Variants in GRIK5 observed in about 807,000 individuals in gnomAD.
GRIK5 encodes the protein glutamate ionotropic receptor kainate type subunit 5.
In GRIK5, 43 loss-of-function variants were observed where a neutral mutation model predicts 97.4. The ratio of observed to expected loss-of-function variants is 0.44; its 90% CI spans 0.35 to 0.57. The LOEUF is 0.57. Among genes scored for constraint, GRIK5 ranks in the 20% least tolerant of loss-of-function variants. The probability of loss-of-function intolerance (pLI) is 0.01; values close to 1 mark genes in which losing one functional copy is unlikely to be tolerated. For synonymous variants in GRIK5, 580 were observed against 583.5 expected, an observed-to-expected ratio of 0.99 and a Z score of 0.09; for missense variants, 1,015 against 1,382.0, an observed-to-expected ratio of 0.73 and a Z score of 4.21.
At chr19:42,030,792 C>T (rs2075832815) in intron 12 of GRIK5, among the ~76,000 whole-genome samples, 1 of 152,040 alleles carries the variant, frequency 6.6e-6, no homozygotes, top group African/African-American at 2.4e-5. Flanking sequence ...CCAGACTGGA[C>T]CCTGCCAGAC....
Position 42,022,067 on chromosome 19 carries a change from A to G in GRIK5, c.1588-11T>C. On this transcript the variant is annotated splice_polypyrimidine_tract_variant and intron_variant, in intron 13 of 19. Coordinates refer to ENST00000593562, the MANE Select transcript of GRIK5 (RefSeq NM_002088.5). This position sits in a 1 kb window ranked among gnomAD's most constrained non-coding sequence, Gnocchi z 4.2. The stretch of plus-strand genomic sequence containing the variant: ...GCCAGGCTTGCGGCCCTGTGGGGAG[A>G]GGGAGTGAGACCCGGAGACACCCCT... The G allele has an allele frequency of 6.3e-7, 1 of 1,588,642 alleles. No homozygotes were observed. The highest frequency in any genetic ancestry group is 8.6e-7 in the Non-Finnish European group (1 of 1,159,240).
intron 15 of GRIK5, among the ~76,000 whole-genome samples, chr19:42,015,575 C>T (rs994729715): frequency 4.6e-5 from 7 of 152,246 alleles, no homozygotes; most frequent in Non-Finnish European, 1.0e-4. Flanking sequence ...GCAGTTTCCT[C>T]ACCTGTGAAG....
At chr19:42,027,504 G>A (rs1489931559) in intron 12 of GRIK5, among the ~76,000 whole-genome samples, 1 of 152,244 alleles carries the variant, frequency 6.6e-6, no homozygotes, top group Non-Finnish European at 1.5e-5. Context: ...CCACAGTAAG[G>A]TAACTGGATT....
At chr19:42,004,570 G>A (rs773740875) in intron 17 of GRIK5, among the ~76,000 whole-genome samples, 5 of 152,208 alleles carry the variant, frequency 3.3e-5, no homozygotes, top group Admixed American at 2.0e-4. Context: ...GTTTCTGAAT[G>A]ACGAAAGTGA....
chr19:42,056,981 G>A lies in GRIK5; in HGVS notation c.688-3C>T. 1 of 1,552,310 alleles carries A rather than the reference G, an allele frequency of 6.4e-7. No homozygotes were observed. Among genetic ancestry groups the A allele is most frequent in the African/African-American group, 1.4e-5 (1 of 73,056 alleles). ...GAGGTCATTCCCAGTTCCGAGGCCT[G>A]GAAAACACAGGAGGCAAAGAGGCAG... On this transcript the variant is annotated splice_region_variant and splice_polypyrimidine_tract_variant and intron_variant, in intron 6 of 19. Coordinates refer to ENST00000593562, the MANE Select transcript of GRIK5 (RefSeq NM_002088.5).
At chr19:42,066,185 C>A (rs539580907) in intron 1 of GRIK5, among the ~76,000 whole-genome samples, 1 of 152,106 alleles carries the variant, frequency 6.6e-6, no homozygotes, top group African/African-American at 2.4e-5. Flanking sequence ...TGCCACCCCC[C>A]ACCCAGTCCC....
chr19:42,021,263 C>T lies in GRIK5; in HGVS notation c.1871+38G>A. 6.4e-7 allele frequency: 1 copy of T among 1,574,096 alleles called. No homozygotes were observed. On this transcript the variant is annotated intron_variant, in intron 15 of 19. Transcript: ENST00000593562. This position sits in a 1 kb window ranked among gnomAD's most constrained non-coding sequence, Gnocchi z 4.2. ...CCATCCAGGCCTCAGATGGGTCCCTCCCTCGCCCCGGGCAGAGGCAGATAG... is the reference window on the plus strand; with the variant it reads ...CCATCCAGGCCTCAGATGGGTCCCTTCCTCGCCCCGGGCAGAGGCAGATAG...
At chr19:42,008,681 G>T (rs1555873354) in intron 15 of GRIK5, among the ~76,000 whole-genome samples, 1 of 152,048 alleles carries the variant, frequency 6.6e-6, no homozygotes, top group African/African-American at 2.4e-5. Flanking sequence ...ATAACCAAGA[G>T]AAAAATCACT....
intron 12 of GRIK5, among the ~76,000 whole-genome samples, chr19:42,026,011 G>A (rs1282424712): frequency 6.6e-6 from 1 of 152,176 alleles, no homozygotes; most frequent in Non-Finnish European, 1.5e-5. Flanking sequence ...TCTTTTTAGA[G>A]ACAGTGTCTT....
chr19:42,047,138 C>T (rs2076052697), intron 11 of GRIK5, among the ~76,000 whole-genome samples: 2 of 151,930 alleles, frequency 1.3e-5, no homozygotes, highest in Non-Finnish European at 2.9e-5. Flanking sequence ...TCTGCCCACC[C>T]CGGCCTCCCA....
chr19:42,008,065 T>C (rs1555873128), intron 15 of GRIK5, among the ~76,000 whole-genome samples: 1 of 151,946 alleles, frequency 6.6e-6, no homozygotes, highest in Admixed American at 6.6e-5. Flanking sequence ...AGAGTCTCAC[T>C]CTGTCACCCA....
intron 12 of GRIK5, among the ~76,000 whole-genome samples, chr19:42,024,438 C>G (rs1387611822): frequency 6.6e-6 from 1 of 152,116 alleles, no homozygotes; most frequent in Non-Finnish European, 1.5e-5. Flanking sequence ...GTCTTGAACT[C>G]CTGACCTCAG....
At position 42,034,494 on chromosome 19, in the gene GRIK5, C is replaced by G. The variant is rs560999613; in HGVS notation, c.1473+8058G>C. The stretch of plus-strand genomic sequence containing the variant: ...CCCTCACTTTTTCCCCTCAACCACA[C>G]TTTTCCCCTCAAGTCTTTATACATA... On this transcript the variant is annotated intron_variant, in intron 12 of 19. Transcript: ENST00000593562. Among the ~76,000 whole-genome samples, 86 of 152,174 alleles carry G rather than the reference C, an allele frequency of 5.7e-4. 1 individual carries two copies. Among genetic ancestry groups the G allele is most frequent in the Admixed American group, 1.1e-3 (17 of 15,270 alleles).
chr19:42,019,064 G>A (rs1334513269), intron 15 of GRIK5, among the ~76,000 whole-genome samples: 2 of 152,188 alleles, frequency 1.3e-5, no homozygotes, highest in Admixed American at 6.5e-5. Flanking sequence ...GGCTGTCTGG[G>A]TGACAGCGAT....
intron 5 of GRIK5, 141 bp from the exon 6 acceptor site, chr19:42,059,668 G>A (rs374094992): frequency 4.5e-6 from 3 of 672,080 alleles, no homozygotes; most frequent in Non-Finnish European, 7.4e-6. Context: ...GTCCCATGGG[G>A]TAATGGGCTT....
In GRIK5 at chr19:42,005,762, G is replaced by T. The variant is rs2075481688; in HGVS notation, c.2224C>A (p.Leu742Ile). Residue 742 changes from leucine to isoleucine, a missense_variant, in exon 17 of 20, where the codon CTC becomes ATC. By Grantham distance (5) the Leu-to-Ile change is conservative. Around this residue, in one of 5 missense-constraint regions of GRIK5, gnomAD observed 229 missense variants for 341.0 expected, o/e 0.67. Coordinates refer to ENST00000593562, the MANE Select transcript of GRIK5 (RefSeq NM_002088.5). The part of the protein sequence containing the change: ...LNCNLTQIGG[L>I]LDTKGYGIGM... Reference sequence around the variant, plus strand: ...ATGCCGTAGCCCTTGGTGTCGAGGAGTCCCCCGATCTGGGTGAGGTTGCAG... The same window carrying T: ...ATGCCGTAGCCCTTGGTGTCGAGGATTCCCCCGATCTGGGTGAGGTTGCAG... 1 of 1,613,980 alleles carries T rather than the reference G, an allele frequency of 6.2e-7. No homozygotes were observed. Among genetic ancestry groups the T allele is most frequent in the East Asian group, 2.2e-5 (1 of 44,876 alleles).
At chr19:42,045,736 G>A (rs527539927) in intron 11 of GRIK5, among the ~76,000 whole-genome samples, 2 of 152,268 alleles carry the variant, frequency 1.3e-5, no homozygotes, top group Non-Finnish European at 2.9e-5. Context: ...TAATAATAGC[G>A]GCAGCAGCCA....
chr19:42,068,074 G>A (rs554619983), intron 1 of GRIK5, among the ~76,000 whole-genome samples: 6 of 152,204 alleles, frequency 3.9e-5, no homozygotes, highest in Non-Finnish European at 7.3e-5. Context: ...TCTACAAAGA[G>A]AGAGGGCCAG....
chr19:42,026,071 G>A (rs1599778293), intron 12 of GRIK5, among the ~76,000 whole-genome samples: 1 of 152,098 alleles, frequency 6.6e-6, no homozygotes, highest in East Asian at 1.9e-4. Context: ...AGTCACTGCA[G>A]CCTTGAACTC....
Sources: allele counts gnomAD v4.1 joint callset (sites outside exome capture counted in the v4.1 genomes callset), GRCh38; gene constraint gnomAD v4.1.1; regional missense constraint gnomAD v4.1.1; non-coding constraint Gnocchi (gnomAD v3.1); transcripts MANE v1.5; gene names NCBI Gene and HGNC (gene_info 2026-07-23, HGNC 2026-07-21).